TAB1: variants seen among roughly 807,000 people sequenced by gnomAD.
The protein encoded by TAB1 is TGF-beta activated kinase 1 (MAP3K7) binding protein 1, also known as TGF-beta-activated kinase 1 and MAP3K7-binding protein 1.
TAB1 carries 30 observed loss-of-function variants against 54.5 expected under a neutral mutation model. The observed-to-expected ratio is 0.55, with a 90% CI of 0.41 to 0.75. The LOEUF is 0.75. TAB1 is among the 30% of genes least tolerant of loss of function. TAB1 has a pLI of 0.00. For missense variants in TAB1, 609 were observed against 683.2 expected (o/e 0.89, Z 1.21); for synonymous variants, 289 against 286.9 (o/e 1.01, Z -0.07).
chr22:39,431,373 G>C lies in TAB1; in HGVS notation c.*1151G>C, dbSNP rs1927577700. ...GCCGAGAGACTTGCACCTTGGCCAA[G>C]CCACACAATCAGTGGGGCAGCCAGA... is the stretch of plus-strand genomic sequence containing the variant. On this transcript the variant is annotated 3_prime_UTR_variant, in exon 11 of 11. Transcript: ENST00000216160. 1.0e-6 allele frequency: 1 copy of C among 985,500 alleles called. No individual in the cohort carries two copies. 61.0% of individuals were successfully genotyped at this position (985,500 alleles called of 1,614,324 possible). A position where few individuals can be genotyped will look rare whatever the true frequency, so the allele number is the denominator to read the frequency against.
intron 1 of TAB1, among the ~76,000 whole-genome samples, chr22:39,407,642 C>A (rs1386771253): frequency 1.3e-5 from 2 of 152,078 alleles, no homozygotes; most frequent in Non-Finnish European, 2.9e-5. Context: ...TCTGCCACCA[C>A]GCCCGGCTAA....
chr22:39,420,812 TGTGTGTTTGTC>T (rs1407041730), intron 7 of TAB1, among the ~76,000 whole-genome samples: 13 of 148,268 alleles, frequency 8.8e-5, no homozygotes, highest in Non-Finnish European at 1.8e-4. Context: ...TGTGTGTGTG[TGTGTGTTTGTC>T]CTGGGGGCCA....
rs146524765 is a variant in TAB1, at chr22:39,417,837, G to A, written c.538G>A (p.Val180Ile). 1.3e-4 allele frequency: 208 copies of A among 1,607,522 alleles called. No homozygotes were observed. Among genetic ancestry groups the A allele is most frequent in the Middle Eastern group, 1.7e-4 (1 of 6,020 alleles). The change falls in exon 5 of 11, where the codon GTC (valine) becomes ATC (isoleucine). Residue 180 changes from valine (V) to isoleucine (I), a missense_variant. Val to Ile is a conservative substitution (Grantham distance 29). Coordinates refer to ENST00000216160, the MANE Select transcript of TAB1 (RefSeq NM_006116.3). The stretch of plus-strand genomic sequence containing the variant: ...GGTCCTTCTCAACAACAAGCTCTAC[G>A]TCGCCAATGTCGGTGAGCCCCCTCC... ...VAVLLNNKLY[V>I]ANVGTNRALL... is the part of the protein sequence containing the mutation.
At chr22:39,434,937 C>T (rs927356096), downstream of TAB1, among the ~76,000 whole-genome samples, 14 of 152,234 alleles carry the variant, frequency 9.2e-5, no homozygotes, top group African/African-American at 2.7e-4. Flanking sequence ...CTCCTACCTC[C>T]GGGTACCTGC....
At chr22:39,417,014 T>C in intron 4 of TAB1, 137 bp downstream of exon 4, 1 of 791,012 alleles carries the variant, frequency 1.3e-6, no homozygotes, top group South Asian at 1.6e-5. Context: ...GTGACACTGG[T>C]GTGTGGCCAC....
At chr22:39,422,281 G>A (rs1410380784) in intron 8 of TAB1, among the ~76,000 whole-genome samples, 2 of 152,126 alleles carry the variant, frequency 1.3e-5, no homozygotes, top group Non-Finnish European at 2.9e-5. Context: ...CCAGGGCCAG[G>A]AGGAGAGCAC....
intron 8 of TAB1, among the ~76,000 whole-genome samples, chr22:39,426,260 G>A (rs1464854887): frequency 6.6e-6 from 1 of 152,212 alleles, no homozygotes; most frequent in African/African-American, 2.4e-5. Context: ...TGAGGTCAGG[G>A]ACCCTGTTTT....
downstream of TAB1, chr22:39,431,935 G>A (rs1349302107): frequency 3.2e-6 from 3 of 936,232 alleles, no homozygotes; most frequent in Non-Finnish European, 1.3e-6. Context: ...GGAAGTGGAC[G>A]CCTCCCCTCT....
At position 39,431,184 on chromosome 22, in the gene TAB1, G is replaced by T; in HGVS notation, c.*962G>T. 3 of 985,712 alleles carry T rather than the reference G, an allele frequency of 3.0e-6. No individual in the cohort carries two copies. The highest frequency in any genetic ancestry group is 3.6e-6 in the Non-Finnish European group (3 of 830,128). 61.1% of individuals were successfully genotyped at this position (985,712 alleles called of 1,614,324 possible). A position where few individuals can be genotyped will look rare whatever the true frequency, so the allele number is the denominator to read the frequency against. On this transcript the variant is annotated 3_prime_UTR_variant, in exon 11 of 11. Coordinates refer to ENST00000216160, the MANE Select transcript of TAB1 (RefSeq NM_006116.3). ...TGGAAAATGGTTCCAGGAGGGAAGA[G>T]GTTCTTTGAGACACAGTACCCTGGG... is the stretch of plus-strand genomic sequence containing the variant.
downstream of TAB1, chr22:39,433,131 C>G: frequency 4.1e-6 from 4 of 985,346 alleles, no homozygotes; most frequent in Non-Finnish European, 4.8e-6. Flanking sequence ...AGCCCATCCC[C>G]CACCTCCTGC....
chr22:39,431,062 G>A lies in TAB1; in HGVS notation c.*840G>A. On this transcript the variant is annotated 3_prime_UTR_variant, in exon 11 of 11. Coordinates refer to ENST00000216160, the MANE Select transcript of TAB1 (RefSeq NM_006116.3). The stretch of plus-strand genomic sequence containing the variant: ...CCATAGGCTGGCAGGCAGCTGAGAT[G>A]AACTGTCTTTACCACTGATGAGGGG... 4 of 985,708 alleles carry A rather than the reference G, an allele frequency of 4.1e-6. No individual in the cohort carries two copies. The African/African-American group carries it at 7.0e-5, about 17-fold the overall frequency. The allele number at this position is 985,708 out of a possible 1,614,324, so 61.1% of individuals were successfully genotyped here.
intron 1 of TAB1, among the ~76,000 whole-genome samples, chr22:39,409,872 C>T (rs1926536072): frequency 6.6e-6 from 1 of 152,150 alleles, no homozygotes; most frequent in Admixed American, 6.5e-5. Flanking sequence ...TAAGGAGCCT[C>T]TCTGTTTTCT....
intron 1 of TAB1, among the ~76,000 whole-genome samples, chr22:39,406,257 G>A (rs764205358): frequency 1.5e-4 from 23 of 152,034 alleles, no homozygotes; most frequent in Non-Finnish European, 2.8e-4. Flanking sequence ...AAATTAGCCG[G>A]GCATGGTGGC....
In TAB1 at chr22:39,416,516, G is replaced by A. The variant is rs1326882890; in HGVS notation, c.325-275G>A. On this transcript the variant is annotated intron_variant, in intron 3 of 10. Coordinates refer to ENST00000216160, the MANE Select transcript of TAB1 (RefSeq NM_006116.3). ...CGCCAAGCCTTTGCTCTTAGCTTCC[G>A]CACTGTCTCCTGCCTCCCAGCCGTC... Among the ~76,000 whole-genome samples, 7 of 152,230 alleles carry A rather than the reference G, an allele frequency of 4.6e-5. No individual in the cohort carries two copies. The East Asian group carries it at 5.8e-4, about 13-fold the overall frequency.
rs916434720 is a variant in TAB1 at position 39,431,215 on chromosome 22, T to C, written c.*993T>C. ...TTGAGACACAGTACCCTGGGAGGCATAGGAGAAGGGTCGGGCCAGCCCAGC... is the reference window on the plus strand; with the variant it reads ...TTGAGACACAGTACCCTGGGAGGCACAGGAGAAGGGTCGGGCCAGCCCAGC... On this transcript the variant is annotated 3_prime_UTR_variant, in exon 11 of 11. Coordinates refer to ENST00000216160, the MANE Select transcript of TAB1 (RefSeq NM_006116.3). The C allele has an allele frequency of 5.1e-6, 5 of 985,406 alleles. No homozygotes were observed. The highest frequency in any genetic ancestry group is 6.0e-6 in the Non-Finnish European group (5 of 830,046). 61.0% of individuals were successfully genotyped at this position (985,406 alleles called of 1,614,324 possible). A position where few individuals can be genotyped will look rare whatever the true frequency, so the allele number is the denominator to read the frequency against.
intron 5 of TAB1, 36 bp downstream of exon 5, chr22:39,417,885 G>T: frequency 1.3e-6 from 2 of 1,571,522 alleles, no homozygotes; most frequent in South Asian, 2.4e-5. Context: ...GGGAGGACTG[G>T]GGAGAGGTCA....
Position 39,430,351 on chromosome 22 carries a change from C to G in TAB1, c.*129C>G. 2 of 1,503,666 alleles carry G rather than the reference C, an allele frequency of 1.3e-6. No homozygotes were observed. Among genetic ancestry groups the G allele is most frequent in the Non-Finnish European group, 1.8e-6 (2 of 1,128,266 alleles). 93.1% of individuals were successfully genotyped at this position (1,503,666 alleles called of 1,614,324 possible). A position where few individuals can be genotyped will look rare whatever the true frequency, so the allele number is the denominator to read the frequency against. On this transcript the variant is annotated 3_prime_UTR_variant, in exon 11 of 11. Transcript: ENST00000216160. ...TCCTCTGCCCACAGCAGACTCTGTC[C>G]CATGGCTCTCCGGGCAGTAGAGTGT...
At chr22:39,434,436 G>T (rs1017275539), downstream of TAB1, among the ~76,000 whole-genome samples, 1 of 152,218 alleles carries the variant, frequency 6.6e-6, no homozygotes, top group African/African-American at 2.4e-5. Context: ...TGAAATTTCC[G>T]CCGACAAGGG....
chr22:39,421,922 G>T lies in TAB1; in HGVS notation c.872G>T (p.Gly291Val). 1 of 1,610,444 alleles carries T rather than the reference G, an allele frequency of 6.2e-7. No homozygotes were observed. The highest frequency in any genetic ancestry group is 8.5e-7 in the Non-Finnish European group (1 of 1,178,302). The change falls in exon 8 of 11, where the codon GGG (glycine) becomes GTG (valine). Residue 291 changes from glycine to valine, a missense_variant. Gly to Val is a moderately radical substitution (Grantham distance 109). Transcript: ENST00000216160. The part of the protein sequence containing the change: ...VTGFLVLMSE[G>V]LYKALEAAHG... ...GGCTTCTTGGTGCTGATGTCGGAGG[G>T]GTTGTACAAGGCCCTAGAGGCAGCC...
Sources: gnomAD v4.1 joint callset for allele counts (sites outside exome capture counted in the v4.1 genomes callset) on GRCh38, gnomAD v4.1.1 for gene constraint, MANE v1.5 for transcripts, NCBI Gene and HGNC (gene_info 2026-07-23, HGNC 2026-07-21) for gene names.